The following SRGAP2C variants were observed in gnomAD, a reference collection of about 807,000 sequenced individuals.
The protein encoded by SRGAP2C is SLIT-ROBO Rho GTPase activating protein 2C, also known as SLIT-ROBO Rho GTPase-activating protein 2C.
A neutral mutation model predicts 25.1 loss-of-function variants in SRGAP2C; 15 were observed. The ratio of observed to expected loss-of-function variants is 0.60; its 90% CI spans 0.40 to 0.92. The LOEUF (loss-of-function observed/expected upper bound fraction) is 0.92. SRGAP2C is among the 40% of genes least tolerant of loss of function. The pLI, the probability that SRGAP2C is intolerant of heterozygous loss-of-function variation, is 0.00. For synonymous variants in SRGAP2C, 44 were observed against 96.6 expected, an observed-to-expected ratio of 0.46 and a Z score of 3.19; for missense variants, 144 against 264.4, an observed-to-expected ratio of 0.54 and a Z score of 3.16.
At chr1:121,316,162 A>C (rs1269853709) in intron 3 of SRGAP2C, among the ~76,000 whole-genome samples, 1 of 135,896 alleles carries the variant, frequency 7.4e-6, no homozygotes, top group Non-Finnish European at 1.6e-5. Flanking sequence ...ATCTTTATGG[A>C]TACCCTTTCT....
intron 4 of SRGAP2C, among the ~76,000 whole-genome samples, chr1:121,332,723 G>A (rs1249741321): frequency 1.3e-5 from 1 of 74,742 alleles, no homozygotes. Flanking sequence ...TATCCGTTTG[G>A]ACTGAGATAG....
At position 121,389,178 on chromosome 1, in the gene SRGAP2C, T is replaced by C. The variant is rs1293274064; in HGVS notation, c.*1323T>C. 2 of 152,122 alleles carry C rather than the reference T, an allele frequency of 1.3e-5. No homozygotes were observed. The allele number at this position is 152,122 out of a possible 1,614,324, so 9.4% of individuals were successfully genotyped here. A position where few individuals can be genotyped will look rare whatever the true frequency, so the allele number is the denominator to read the frequency against. On this transcript the variant is annotated 3_prime_UTR_variant, in exon 10 of 10. Coordinates refer to ENST00000367123, the MANE Select transcript of SRGAP2C (RefSeq NM_001329984.2). Reference sequence around the variant, plus strand: ...TTTATGAGTAAAATATTAAAACCTATACAAAAAAATAACAGAATGGCATTT... The same window carrying C: ...TTTATGAGTAAAATATTAAAACCTACACAAAAAAATAACAGAATGGCATTT...
chr1:121,255,778 A>G (rs1656446199), intron 2 of SRGAP2C, among the ~76,000 whole-genome samples: 1 of 150,320 alleles, frequency 6.7e-6, no homozygotes, highest in Non-Finnish European at 1.5e-5. Context: ...AGATTGTATC[A>G]CTGCACTCCA....
intron 3 of SRGAP2C, among the ~76,000 whole-genome samples, chr1:121,305,283 C>T (rs1657804625): frequency 6.8e-6 from 1 of 147,774 alleles, no homozygotes; most frequent in Non-Finnish European, 1.5e-5. Flanking sequence ...ATGTAATATG[C>T]TTGATGTAAG....
At chr1:121,273,965 G>A (rs1485022811) in intron 2 of SRGAP2C, among the ~76,000 whole-genome samples, 1 of 151,396 alleles carries the variant, frequency 6.6e-6, no homozygotes, top group African/African-American at 2.4e-5. Flanking sequence ...AACAGGAACT[G>A]GGCAGACTGT....
At chr1:121,238,615 T>G (rs1656015252) in intron 2 of SRGAP2C, among the ~76,000 whole-genome samples, 1 of 148,662 alleles carries the variant, frequency 6.7e-6, no homozygotes, top group African/African-American at 2.5e-5. Context: ...GCATTTTACT[T>G]TTTTTTTTTC....
At chr1:121,325,431 AGC>A in intron 4 of SRGAP2C, among the ~76,000 whole-genome samples, 1 of 110,436 alleles carries the variant, frequency 9.1e-6, no homozygotes, top group Non-Finnish European at 1.8e-5. Context: ...AAGCTGTCTC[AGC>A]TTGAGCTCAA....
At chr1:121,299,929 G>T (rs1657666758) in intron 3 of SRGAP2C, among the ~76,000 whole-genome samples, 1 of 150,778 alleles carries the variant, frequency 6.6e-6, no homozygotes, top group Non-Finnish European at 1.5e-5. Context: ...AGGCTATTGT[G>T]TGGACTCTAA....
At chr1:121,304,052 A>C (rs1162440424) in intron 3 of SRGAP2C, among the ~76,000 whole-genome samples, 1 of 149,190 alleles carries the variant, frequency 6.7e-6, no homozygotes, top group Non-Finnish European at 1.5e-5. Context: ...AAAAATACAA[A>C]AAAAAAAAAT....
chr1:121,254,066 C>A (rs1656399594), intron 2 of SRGAP2C, among the ~76,000 whole-genome samples: 1 of 149,660 alleles, frequency 6.7e-6, no homozygotes. Context: ...GCATGCGCCA[C>A]CATGCCCAGC....
chr1:121,238,606 C>T (rs1656015078), intron 2 of SRGAP2C, among the ~76,000 whole-genome samples: 1 of 151,474 alleles, frequency 6.6e-6, no homozygotes, highest in South Asian at 2.1e-4. Flanking sequence ...GATTCATTTG[C>T]ATTTTACTTT....
intron 6 of SRGAP2C, among the ~76,000 whole-genome samples, chr1:121,374,422 G>A (rs1659582866): frequency 6.6e-6 from 1 of 151,954 alleles, no homozygotes; most frequent in Non-Finnish European, 1.5e-5. Flanking sequence ...AGAAACAGCA[G>A]TCACCTTTCC....
intron 7 of SRGAP2C, among the ~76,000 whole-genome samples, chr1:121,377,030 A>G (rs1400011777): frequency 2.7e-4 from 41 of 151,072 alleles, no homozygotes; most frequent in Admixed American, 7.3e-4. Flanking sequence ...TTTGCAATCC[A>G]TAGATTCTCC....
intron 2 of SRGAP2C, among the ~76,000 whole-genome samples, chr1:121,282,719 TA>T (rs1257178823): frequency 2.3e-5 from 2 of 87,686 alleles, no homozygotes; most frequent in African/African-American, 7.7e-5. Flanking sequence ...CATGCCTGGC[TA>T]ATTTTTTTTT....
intron 2 of SRGAP2C, among the ~76,000 whole-genome samples, chr1:121,250,811 T>A (rs1656341672): frequency 8.6e-6 from 1 of 116,770 alleles, no homozygotes; most frequent in South Asian, 2.5e-4. Context: ...GTCACCCTTA[T>A]GGAAGGGTAA....
intron 3 of SRGAP2C, among the ~76,000 whole-genome samples, chr1:121,285,354 G>T (rs1657336024): frequency 1.4e-5 from 2 of 145,798 alleles, no homozygotes; most frequent in Non-Finnish European, 3.0e-5. Flanking sequence ...GGCATAAAAA[G>T]GTTAAGGGGC....
chr1:121,370,309 G>A (rs1570817706), intron 5 of SRGAP2C, among the ~76,000 whole-genome samples: 1 of 137,756 alleles, frequency 7.3e-6, no homozygotes, highest in Non-Finnish European at 1.6e-5. Context: ...TTGAAGTTCA[G>A]TATACCCCTA....
chr1:121,222,832 G>C (rs1308667167), intron 2 of SRGAP2C, among the ~76,000 whole-genome samples: 1 of 151,602 alleles, frequency 6.6e-6, no homozygotes, highest in African/African-American at 2.4e-5. Flanking sequence ...TACAAATAGG[G>C]ATGCTGCAGT....
intron 2 of SRGAP2C, among the ~76,000 whole-genome samples, chr1:121,259,917 C>A (rs1322547012): frequency 7.3e-6 from 1 of 137,290 alleles, no homozygotes; most frequent in Non-Finnish European, 1.6e-5. Context: ...TGCAGTGGCA[C>A]CATGATAGCT....
Sources: gnomAD v4.1 joint callset for allele counts (sites outside exome capture counted in the v4.1 genomes callset) on GRCh38, gnomAD v4.1.1 for gene constraint, MANE v1.5 for transcripts, NCBI Gene and HGNC (gene_info 2026-07-23, HGNC 2026-07-21) for gene names.